RANBP2: variants seen among roughly 807,000 people sequenced by gnomAD.
RANBP2 encodes the protein RAN binding protein 2, also known as E3 SUMO-protein ligase RanBP2.
Under a neutral mutation model 303.6 loss-of-function variants are expected in RANBP2, and 57 were observed. That is an observed-to-expected ratio of 0.19 (90% CI 0.15 to 0.23). RANBP2 has a LOEUF of 0.23. RANBP2 is among the 10% of genes least tolerant of loss of function. The pLI is 1.00. For missense variants in RANBP2, 3,138 were observed against 3,780.8 expected (o/e 0.83, Z 4.46); for synonymous variants, 1,167 against 1,301.5 (o/e 0.90, Z 2.23).
chr2:109,083,610 A>G, the RANBP2 span, among the ~76,000 whole-genome samples: 1 of 151,998 alleles, frequency 6.6e-6, no homozygotes, highest in African/African-American at 2.4e-5. Context: ...CGTTGCTGTG[A>G]ACATGGGTGT....
At chr2:108,748,685 T>C (rs556809305) in intron 8 of RANBP2, among the ~76,000 whole-genome samples, 9 of 152,282 alleles carry the variant, frequency 5.9e-5, no homozygotes, top group African/African-American at 2.2e-4. Context: ...TTCATACACA[T>C]TCCTGTCTTT....
chr2:109,134,473 T>G, the RANBP2 span, among the ~76,000 whole-genome samples: 6 of 152,226 alleles, frequency 3.9e-5, no homozygotes, highest in South Asian at 1.2e-3. Flanking sequence ...AGCCAGCGAG[T>G]GAATAATCTA....
At chr2:109,121,719 T>C in the RANBP2 span, among the ~76,000 whole-genome samples, 1 of 152,172 alleles carries the variant, frequency 6.6e-6, no homozygotes, top group African/African-American at 2.4e-5. Flanking sequence ...GGGTTACTCT[T>C]CTCCCTGTAG....
At chr2:108,779,879 C>T (rs1282074733) in intron 25 of RANBP2, among the ~76,000 whole-genome samples, 1 of 152,140 alleles carries the variant, frequency 6.6e-6, no homozygotes, top group Non-Finnish European at 1.5e-5. Context: ...AATCTACATT[C>T]CAGCATTAGC....
the RANBP2 span, among the ~76,000 whole-genome samples, chr2:109,032,314 C>G: frequency 2.0e-5 from 3 of 152,134 alleles, no homozygotes; most frequent in South Asian, 2.1e-4. Context: ...CTCCCCACCC[C>G]CTCTTTGTTT....
intron 6 of RANBP2, among the ~76,000 whole-genome samples, chr2:108,738,820 G>T (rs1695836184): frequency 6.6e-6 from 1 of 150,626 alleles, no homozygotes; most frequent in Non-Finnish European, 1.5e-5. Context: ...AGTAGAGAAG[G>T]GGTTTCACCA....
chr2:109,314,856 G>C, the RANBP2 span, among the ~76,000 whole-genome samples: 13 of 152,194 alleles, frequency 8.5e-5, no homozygotes, highest in Non-Finnish European at 1.5e-4. Flanking sequence ...CAAAATATTA[G>C]AGGAGACCCT....
chr2:109,646,657 A>ATTTTTT, the RANBP2 span, among the ~76,000 whole-genome samples: 5 of 119,018 alleles, frequency 4.2e-5, no homozygotes, highest in Non-Finnish European at 5.1e-5. Flanking sequence ...ATGACTGGCT[A>ATTTTTT]TTTTTTTTTT....
the RANBP2 span, among the ~76,000 whole-genome samples, chr2:109,411,254 G>A: frequency 6.6e-6 from 1 of 152,206 alleles, no homozygotes; most frequent in Non-Finnish European, 1.5e-5. Flanking sequence ...GGCTTTGCAG[G>A]ATGCTGGCCG....
At chr2:109,184,283 T>A in the RANBP2 span, among the ~76,000 whole-genome samples, 4 of 152,228 alleles carry the variant, frequency 2.6e-5, no homozygotes, top group South Asian at 8.3e-4. Context: ...ACTCTGTTCC[T>A]TCTCCCTTAC....
chr2:108,958,537 T>G, the RANBP2 span, among the ~76,000 whole-genome samples: 2 of 152,134 alleles, frequency 1.3e-5, no homozygotes, highest in African/African-American at 4.8e-5. Context: ...GGCAAGACCC[T>G]GGACCCAGGA....
At chr2:109,652,991 A>G in the RANBP2 span, among the ~76,000 whole-genome samples, 1 of 152,086 alleles carries the variant, frequency 6.6e-6, no homozygotes, top group East Asian at 1.9e-4. Flanking sequence ...GAATTGAAAG[A>G]GAAATAATTG....
chr2:108,873,763 C>T, the RANBP2 span, among the ~76,000 whole-genome samples: 1 of 152,232 alleles, frequency 6.6e-6, no homozygotes, highest in Non-Finnish European at 1.5e-5. Context: ...AAAAACAAAA[C>T]AAAACCTCAT....
the RANBP2 span, chr2:108,931,028 C>T: frequency 2.5e-6 from 4 of 1,614,046 alleles, no homozygotes; most frequent in Non-Finnish European, 3.4e-6. Flanking sequence ...CTCCCAAGGG[C>T]TCACCTGAAA....
chr2:109,165,428 C>T, the RANBP2 span, among the ~76,000 whole-genome samples: 1 of 152,064 alleles, frequency 6.6e-6, no homozygotes, highest in Non-Finnish European at 1.5e-5. Flanking sequence ...CCCCACCACC[C>T]CTGCTAGAAG....
chr2:109,074,583 C>A, the RANBP2 span, among the ~76,000 whole-genome samples: 138 of 149,378 alleles, frequency 9.2e-4, 12 homozygotes, highest in Non-Finnish European at 1.4e-3. Flanking sequence ...TGCCTGTAAT[C>A]CCAGCTACTT....
the RANBP2 span, among the ~76,000 whole-genome samples, chr2:109,096,415 C>T: frequency 7.9e-5 from 12 of 152,162 alleles, no homozygotes; most frequent in Non-Finnish European, 1.3e-4. Flanking sequence ...ACAGAAGTAA[C>T]AAATTTCCTT....
chr2:108,940,694 C>T, the RANBP2 span, among the ~76,000 whole-genome samples: 7 of 152,226 alleles, frequency 4.6e-5, no homozygotes, highest in East Asian at 1.9e-4. Flanking sequence ...AATTACAACA[C>T]GTCACACCAC....
chr2:109,237,680 T>C, the RANBP2 span, among the ~76,000 whole-genome samples: 3 of 152,338 alleles, frequency 2.0e-5, no homozygotes, highest in South Asian at 6.2e-4. Context: ...GTTCTTCCAG[T>C]GTGGCCCAGG....
Sources: gnomAD v4.1 joint callset for allele counts (sites outside exome capture counted in the v4.1 genomes callset) on GRCh38, gnomAD v4.1.1 for gene constraint, MANE v1.5 for transcripts, NCBI Gene and HGNC (gene_info 2026-07-23, HGNC 2026-07-21) for gene names.